Variants in TPP2 observed in about 807,000 individuals in gnomAD.
The protein encoded by TPP2 is tripeptidyl peptidase 2.
In TPP2, 34 loss-of-function variants were observed where a neutral mutation model predicts 155.9. The ratio of observed to expected loss-of-function variants is 0.22; its 90% CI spans 0.17 to 0.29. The LOEUF (loss-of-function observed/expected upper bound fraction) is 0.29. Ranked by LOEUF, TPP2 falls within the 10% of genes least tolerant of loss-of-function variation. The probability of loss-of-function intolerance (pLI) is 1.00; values close to 1 mark genes in which losing one functional copy is unlikely to be tolerated. For synonymous variants in TPP2, 510 were observed against 529.4 expected, an observed-to-expected ratio of 0.96 and a Z score of 0.50; for missense variants, 1,028 against 1,522.3, an observed-to-expected ratio of 0.68 and a Z score of 5.40.
intron 2 of TPP2, among the ~76,000 whole-genome samples, chr13:102,610,267 C>T (rs1252796734): frequency 1.3e-5 from 2 of 152,012 alleles, no homozygotes; most frequent in African/African-American, 4.8e-5. Flanking sequence ...CTTGCTCTGT[C>T]GTCCAGGCTG....
At chr13:102,635,306 A>G (rs570889554) in intron 11 of TPP2, among the ~76,000 whole-genome samples, 51 of 152,132 alleles carry the variant, frequency 3.4e-4, no homozygotes, top group Non-Finnish European at 5.7e-4. Flanking sequence ...ATGCTTTTAG[A>G]TATCTGCTTT....
intron 24 of TPP2, among the ~76,000 whole-genome samples, chr13:102,654,465 T>C (rs961011466): frequency 2.2e-4 from 34 of 152,228 alleles, no homozygotes; most frequent in Admixed American, 2.2e-3. Flanking sequence ...GATAGGTCTT[T>C]GTTAGAATTA....
intron 6 of TPP2, among the ~76,000 whole-genome samples, chr13:102,623,748 A>G (rs1881341876): frequency 1.3e-5 from 2 of 152,166 alleles, no homozygotes; most frequent in South Asian, 2.1e-4. Context: ...TTTTTAAACA[A>G]CTGTGTGTTA....
At chr13:102,638,128 T>G in intron 14 of TPP2, 111 bp from the exon 15 acceptor site, 1 of 1,033,294 alleles carries the variant, frequency 9.7e-7, no homozygotes, top group South Asian at 1.4e-5. Context: ...AACCTCTGGT[T>G]AAGACCTTGA....
At chr13:102,651,015 G>A (rs1883449318) in intron 23 of TPP2, among the ~76,000 whole-genome samples, 2 of 152,120 alleles carry the variant, frequency 1.3e-5, no homozygotes, top group African/African-American at 4.8e-5. Context: ...GAATGCATAG[G>A]CAATGGGGTT....
intron 17 of TPP2, among the ~76,000 whole-genome samples, chr13:102,643,607 A>G (rs1222293828): frequency 6.6e-6 from 1 of 152,240 alleles, no homozygotes; most frequent in African/African-American, 2.4e-5. Flanking sequence ...TCAAAGAAAC[A>G]TACTAGTCTG....
intron 2 of TPP2, among the ~76,000 whole-genome samples, chr13:102,606,300 G>A (rs186523787): frequency 4.6e-5 from 7 of 152,244 alleles, no homozygotes; most frequent in Admixed American, 2.0e-4. Flanking sequence ...TTTCTGTGCC[G>A]TGTAATAAAG....
At chr13:102,598,343 A>T (rs1311885608) in intron 1 of TPP2, among the ~76,000 whole-genome samples, 1 of 152,022 alleles carries the variant, frequency 6.6e-6, no homozygotes, top group Non-Finnish European at 1.5e-5. Context: ...TGGATCCTTT[A>T]TCGTGCTTTC....
At chr13:102,632,692 C>T (rs1172188061) in intron 10 of TPP2, among the ~76,000 whole-genome samples, 2 of 152,174 alleles carry the variant, frequency 1.3e-5, no homozygotes, top group African/African-American at 4.8e-5. Context: ...AATACCAATG[C>T]TCATTCTGAA....
rs1881918806 is a variant in TPP2 at position 102,630,082 on chromosome 13, A to C, written c.1145-14A>C. 1 of 1,608,700 alleles carries C rather than the reference A, an allele frequency of 6.2e-7. No individual in the cohort carries two copies. Among genetic ancestry groups the C allele is most frequent in the Admixed American group, 1.7e-5 (1 of 59,790 alleles). On this transcript the variant is annotated splice_polypyrimidine_tract_variant and intron_variant, in intron 9 of 29. Transcript: ENST00000376052. Reference sequence around the variant, plus strand: ...GTTTGTTTTCTTTTCTTAATGATTAAATCCATCCCACAGGTGTTGGTGCTT... The same window carrying C: ...GTTTGTTTTCTTTTCTTAATGATTACATCCATCCCACAGGTGTTGGTGCTT...
At chr13:102,663,518 C>T in intron 25 of TPP2, 130 bp from the exon 26 acceptor site, 1 of 615,902 alleles carries the variant, frequency 1.6e-6, no homozygotes, top group East Asian at 3.2e-5. Flanking sequence ...TTGTCAATGA[C>T]TATACTTGTA....
intron 24 of TPP2, chr13:102,654,966 C>T (rs1329360831): frequency 4.0e-6 from 2 of 505,772 alleles, no homozygotes; most frequent in South Asian, 1.5e-5. Context: ...AGAGCTAGCC[C>T]AAGCAATAGA....
At chr13:102,654,029 G>A (rs1883681937) in intron 24 of TPP2, among the ~76,000 whole-genome samples, 1 of 152,080 alleles carries the variant, frequency 6.6e-6, no homozygotes, top group Non-Finnish European at 1.5e-5. Context: ...CTGCTCTGAA[G>A]ATTCTTCTTG....
At chr13:102,662,720 T>G (rs1479441564) in intron 25 of TPP2, among the ~76,000 whole-genome samples, 1 of 152,224 alleles carries the variant, frequency 6.6e-6, no homozygotes, top group East Asian at 1.9e-4. Context: ...AACCTTATTT[T>G]TATACTACTG....
At chr13:102,641,707 A>C (rs1301359752) in intron 16 of TPP2, among the ~76,000 whole-genome samples, 1 of 152,186 alleles carries the variant, frequency 6.6e-6, no homozygotes, top group African/African-American at 2.4e-5. Flanking sequence ...AAGGCAAAAT[A>C]ATAGCAAAAG....
chr13:102,667,297 G>C (rs1204255287), intron 27 of TPP2, among the ~76,000 whole-genome samples: 2 of 151,990 alleles, frequency 1.3e-5, no homozygotes, highest in African/African-American at 4.8e-5. Context: ...TTCCAATTAA[G>C]TTGCTTCCTA....
chr13:102,654,841 G>C (rs551275279), intron 24 of TPP2: 25 of 418,414 alleles, frequency 6.0e-5, no homozygotes, highest in African/African-American at 4.7e-4. Context: ...ATAAGAACTT[G>C]GTGGTAGAAG....
chr13:102,634,162 C>G (rs931380229), intron 11 of TPP2, 64 bp downstream of exon 11: 1 of 1,598,968 alleles, frequency 6.3e-7, no homozygotes, highest in African/African-American at 1.3e-5. Flanking sequence ...CTGAAGCTCT[C>G]ATGGTAAGAA....
chr13:102,679,416 A>C lies in TPP2; in HGVS notation c.*1100A>C, dbSNP rs1281734742. The C allele has an allele frequency of 2.6e-5, 4 of 152,216 alleles. No individual in the cohort carries two copies. 9.4% of individuals were successfully genotyped at this position (152,216 alleles called of 1,614,324 possible). A position where few individuals can be genotyped will look rare whatever the true frequency, so the allele number is the denominator to read the frequency against. ...CGTCATTCCTCCACCAAATAAACAG[A>C]CAAAAGTAGTATTGAAAAGTTTACA... On this transcript the variant is annotated 3_prime_UTR_variant, in exon 30 of 30. Transcript: ENST00000376052.
Sources: allele counts gnomAD v4.1 joint callset (sites outside exome capture counted in the v4.1 genomes callset), GRCh38; gene constraint gnomAD v4.1.1; transcripts MANE v1.5; gene names NCBI Gene and HGNC (gene_info 2026-07-23, HGNC 2026-07-21).